The following FDX1 variants were observed in gnomAD, a reference collection of about 807,000 sequenced individuals.
The protein encoded by FDX1 is adrenodoxin, mitochondrial.
A neutral mutation model predicts 14.9 loss-of-function variants in FDX1; 9 were observed. The ratio of observed to expected loss-of-function variants is 0.60; its 90% confidence interval spans 0.36 to 1.05. The LOEUF is 1.05. Among genes scored for constraint, FDX1 ranks in the 50% least tolerant of loss-of-function variants. FDX1 has a pLI of 0.01. For missense variants in FDX1, 204 were observed against 237.2 expected, an observed-to-expected ratio of 0.86 and a Z score of 0.92; for synonymous variants, 92 against 99.4, an observed-to-expected ratio of 0.93 and a Z score of 0.44.
Position 110,455,208 on chromosome 11 carries a change from C to T in FDX1, c.311-1710C>T, listed in dbSNP as rs190675960. Reference sequence around the variant, plus strand: ...TTTTAGTAGAGACAGGGTTTCACTACGTTAGCCAGGCTGGTCTCGAACCTC... The same window carrying T: ...TTTTAGTAGAGACAGGGTTTCACTATGTTAGCCAGGCTGGTCTCGAACCTC... On this transcript the variant is annotated intron_variant, in intron 2 of 3. Transcript: ENST00000260270. 2.1e-4 allele frequency among the ~76,000 whole-genome samples: 32 copies of T among 152,122 alleles called. No individual in the cohort carries two copies. In the East Asian group the frequency reaches 4.1e-3, roughly 19 times the overall value.
At chr11:110,442,539 T>G (rs1172178194) in intron 2 of FDX1, among the ~76,000 whole-genome samples, 1 of 152,200 alleles carries the variant, frequency 6.6e-6, no homozygotes, top group African/African-American at 2.4e-5. Context: ...GATTTTGGAC[T>G]TGCATGGGGT....
chr11:110,456,695 A>G (rs1946524449), intron 2 of FDX1, among the ~76,000 whole-genome samples: 1 of 151,768 alleles, frequency 6.6e-6, no homozygotes, highest in Non-Finnish European at 1.5e-5. Context: ...ATTTTAGTAA[A>G]GACGGGATTT....
At chr11:110,431,510 G>A (rs757202127) in intron 1 of FDX1, among the ~76,000 whole-genome samples, 6 of 152,116 alleles carry the variant, frequency 3.9e-5, no homozygotes, top group Non-Finnish European at 7.4e-5. Context: ...ATACATTTTT[G>A]TTGTGTGAAC....
At chr11:110,444,721 T>TAC (rs1476748297) in intron 2 of FDX1, among the ~76,000 whole-genome samples, 1 of 53,054 alleles carries the variant, frequency 1.9e-5, no homozygotes, top group African/African-American at 8.9e-5. Context: ...TATATATATA[T>TAC]ACGTATATAT....
chr11:110,444,724 GTATATATA>G (rs1332438783), intron 2 of FDX1, among the ~76,000 whole-genome samples: 13 of 27,402 alleles, frequency 4.7e-4, no homozygotes, highest in South Asian at 1.0e-3. Flanking sequence ...ATATATATAC[GTATATATA>G]TATATATATA....
chr11:110,444,480 G>A (rs1394412576), intron 2 of FDX1, among the ~76,000 whole-genome samples: 1 of 151,148 alleles, frequency 6.6e-6, no homozygotes, highest in African/African-American at 2.4e-5. Flanking sequence ...GCCAGGTGTG[G>A]TGGCATACAC....
intron 2 of FDX1, among the ~76,000 whole-genome samples, chr11:110,444,230 G>A (rs7947976): frequency 0.51 from 77,121 of 151,834 alleles, 20,617 homozygotes; most frequent in African/African-American, 0.67. Context: ...TAATTTTTGT[G>A]TATGGTGAAA....
At chr11:110,461,215 GC>G (rs1382104109) in intron 3 of FDX1, among the ~76,000 whole-genome samples, 1 of 152,106 alleles carries the variant, frequency 6.6e-6, no homozygotes, top group African/African-American at 2.4e-5. Flanking sequence ...AAAGAAAATG[GC>G]TGAGTGCGGT....
At chr11:110,430,396 G>GC (rs1327432678) in intron 1 of FDX1, 91 bp downstream of exon 1, 1 of 898,482 alleles carries the variant, frequency 1.1e-6, no homozygotes, top group African/African-American at 1.8e-5. Flanking sequence ...TGGTTCCAGT[G>GC]CCTTCTGCGC....
intron 2 of FDX1, 140 bp downstream of exon 2, chr11:110,436,098 A>T: frequency 1.4e-6 from 1 of 699,798 alleles, no homozygotes; most frequent in Non-Finnish European, 2.4e-6. Context: ...TTAGTGTTAT[A>T]TTCTTGTTTA....
chr11:110,456,871 C>T (rs1466288963), intron 2 of FDX1, 47 bp from the exon 3 acceptor site: 1 of 1,553,646 alleles, frequency 6.4e-7, no homozygotes, highest in South Asian at 1.2e-5. Flanking sequence ...AGGTATGAAT[C>T]GTCTGATGTA....
chr11:110,444,682 ATACACG>A (rs1353701337), intron 2 of FDX1, among the ~76,000 whole-genome samples: 4 of 56,622 alleles, frequency 7.1e-5, no homozygotes, highest in East Asian at 9.5e-4. Flanking sequence ...ATATATATAT[ATACACG>A]TATATATATA....
chr11:110,446,797 A>G (rs1946452862), intron 2 of FDX1, among the ~76,000 whole-genome samples: 1 of 152,166 alleles, frequency 6.6e-6, no homozygotes, highest in South Asian at 2.1e-4. Context: ...GGGCGCCTGG[A>G]GCTGTGCTAA....
intron 1 of FDX1, among the ~76,000 whole-genome samples, chr11:110,435,021 T>A (rs912244421): frequency 5.3e-5 from 8 of 151,870 alleles, no homozygotes; most frequent in African/African-American, 1.9e-4. Context: ...CCCAAAGTGC[T>A]AGGAGTACAG....
intron 2 of FDX1, among the ~76,000 whole-genome samples, chr11:110,444,724 G>GTATATATATATATATACGTATA (rs1565382017): frequency 3.6e-5 from 1 of 27,428 alleles, no homozygotes; most frequent in South Asian, 1.0e-3. Context: ...ATATATATAC[G>GTATATATATATATATACGTATA]TATATATATA....
In FDX1 at chr11:110,463,090, G is replaced by A. The variant is rs1946565885; in HGVS notation, c.*622G>A. ...TTGATTCGGAAGACTAAGTCTGGAC[G>A]TAGACATTATAATGCTATCAAAGAA... On this transcript the variant is annotated 3_prime_UTR_variant, in exon 4 of 4. Transcript: ENST00000260270. 1 of 152,216 alleles carries A rather than the reference G, an allele frequency of 6.6e-6. No homozygotes were observed. Among genetic ancestry groups the A allele is most frequent in the Non-Finnish European group, 1.5e-5 (1 of 68,048 alleles). The allele number at this position is 152,216 out of a possible 1,614,324, so 9.4% of individuals were successfully genotyped here. A position where few individuals can be genotyped will look rare whatever the true frequency, so the allele number is the denominator to read the frequency against.
At chr11:110,450,752 G>T (rs1278423654) in intron 2 of FDX1, among the ~76,000 whole-genome samples, 1 of 152,060 alleles carries the variant, frequency 6.6e-6, no homozygotes, top group African/African-American at 2.4e-5. Flanking sequence ...AAATCTTTGA[G>T]AATGCATTTC....
chr11:110,429,822 G>T (rs1946315892), upstream of FDX1: 1 of 264,898 alleles, frequency 3.8e-6, no homozygotes, highest in Non-Finnish European at 7.1e-6. Context: ...GCTTACAACG[G>T]AACCTGGAGG....
At chr11:110,456,103 A>G (rs1401959828) in intron 2 of FDX1, among the ~76,000 whole-genome samples, 1 of 152,216 alleles carries the variant, frequency 6.6e-6, no homozygotes, top group East Asian at 1.9e-4. Flanking sequence ...TATTCTGATT[A>G]TTTAAGACCA....
Sources: gnomAD v4.1 joint callset for allele counts (sites outside exome capture counted in the v4.1 genomes callset) on GRCh38, gnomAD v4.1.1 for gene constraint, MANE v1.5 for transcripts, NCBI Gene and HGNC (gene_info 2026-07-23, HGNC 2026-07-21) for gene names.